The following DMAC1 variants were observed in gnomAD, a reference collection of about 807,000 sequenced individuals.
DMAC1 encodes the protein distal membrane arm assembly component 1, also known as distal membrane-arm assembly complex protein 1.
In DMAC1, 10 loss-of-function variants were observed where a neutral mutation model predicts 7.0. That is an observed-to-expected ratio of 1.43 (90% CI 0.88 to 2.43). The LOEUF is 2.43. Ranked by LOEUF, DMAC1 falls within the 30% of genes most tolerant of loss-of-function variation. DMAC1 has a pLI of 0.00. For synonymous variants in DMAC1, 92 were observed against 66.2 expected (o/e 1.39, Z -1.90); for missense variants, 219 against 158.7 (o/e 1.38, Z -2.04).
chr9:7,799,061 C>T (rs1161135442), intron 1 of DMAC1, among the ~76,000 whole-genome samples: 2 of 151,998 alleles, frequency 1.3e-5, no homozygotes, highest in Admixed American at 6.6e-5. Flanking sequence ...CAAGGGCCCT[C>T]GCTCAGGCTT....
At chr9:7,798,723 C>CCAGAAGTGTTGTGAGGGTTA in intron 1 of DMAC1, 86 bp from the exon 2 acceptor site, 1 of 1,119,518 alleles carries the variant, frequency 8.9e-7, no homozygotes, top group Non-Finnish European at 1.3e-6. Context: ...ATTTAACCCT[C>CCAGAAGTGTTGTGAGGGTTA]ACAACACTTC....
In DMAC1 at chr9:7,799,445, G is replaced by A. The variant is rs1818692180; in HGVS notation, c.274+16C>T. ...CAGATACCCAACCCGCCCAAGTGCT[G>A]TGCCTTGATTCTCACTGAGGCCGAT... On this transcript the variant is annotated intron_variant, in intron 1 of 1. Coordinates refer to ENST00000358227, the MANE Select transcript of DMAC1 (RefSeq NM_033428.3). The A allele has an allele frequency of 1.9e-6, 3 of 1,612,006 alleles. No homozygotes were observed. The highest frequency in any genetic ancestry group is 2.2e-5 in the South Asian group (2 of 90,966).
Position 7,798,592 on chromosome 9 carries a change from T to C in DMAC1, c.320A>G (p.Lys107Arg), listed in dbSNP as rs773626508. ...GIVVMADPKG[K>R]AYRVV ...GTACTTTCAAACAACGCGGTAGGCCTTCCCTTTGGGGTCTGCCATGACAAC... is the reference window on the plus strand; with the variant it reads ...GTACTTTCAAACAACGCGGTAGGCCCTCCCTTTGGGGTCTGCCATGACAAC... Residue 107 changes from lysine to arginine, a missense_variant, in exon 2 of 2, where the codon AAG becomes AGG. Physicochemically the swap from Lys to Arg is conservative, Grantham distance 26. Transcript: ENST00000358227. The C allele has an allele frequency of 1.2e-6, 2 of 1,611,448 alleles. No individual in the cohort carries two copies. Among genetic ancestry groups the C allele is most frequent in the Non-Finnish European group, 1.7e-6 (2 of 1,178,142 alleles).
intron 1 of DMAC1, 118 bp from the exon 2 acceptor site, chr9:7,798,755 A>G (rs1818673010): frequency 2.5e-6 from 2 of 786,560 alleles, no homozygotes; most frequent in Admixed American, 3.6e-5. Context: ...TTACCATTGT[A>G]TCTTTCTTAT....
chr9:7,798,775 G>GA, intron 1 of DMAC1, 138 bp from the exon 2 acceptor site: 2 of 658,120 alleles, frequency 3.0e-6, no homozygotes, highest in Non-Finnish European at 4.6e-6. Flanking sequence ...TAAGGCAAGT[G>GA]AAGCACAGAA....
rs1563830373 is a variant in DMAC1, at chr9:7,798,641, G to C, written c.275-4C>G. ...ACGATACCCCAGGTGGCAATGCCTA[G>C]AAAAAAAACAACAATACCTTACCTT... On this transcript the variant is annotated splice_polypyrimidine_tract_variant and splice_region_variant and intron_variant, in intron 1 of 1. Coordinates refer to ENST00000358227, the MANE Select transcript of DMAC1 (RefSeq NM_033428.3). 1.3e-6 allele frequency: 2 copies of C among 1,549,546 alleles called. No individual in the cohort carries two copies. The highest frequency in any genetic ancestry group is 1.9e-5 in the Admixed American group (1 of 51,680).
Position 7,799,455 on chromosome 9 carries a change from TCTCA to T in DMAC1, c.274+2_274+5del, listed in dbSNP as rs1164669798. 6.2e-7 allele frequency: 1 copy of T among 1,612,362 alleles called. No individual in the cohort carries two copies. The highest frequency in any genetic ancestry group is 8.5e-7 in the Non-Finnish European group (1 of 1,179,988). On this transcript the variant is annotated splice_donor_variant and splice_donor_5th_base_variant and intron_variant, in intron 1 of 1. Coordinates refer to ENST00000358227, the MANE Select transcript of DMAC1 (RefSeq NM_033428.3). LOFTEE classifies it high-confidence loss of function. ...ACCCGCCCAAGTGCTGTGCCTTGAT[TCTCA>T]CTGAGGCCGATGACCATCTGCGTAA...
chr9:7,798,932 G>C (rs1818677874), intron 1 of DMAC1, among the ~76,000 whole-genome samples: 1 of 152,150 alleles, frequency 6.6e-6, no homozygotes, highest in Non-Finnish European at 1.5e-5. Context: ...TTGATTGGAT[G>C]ACATCTTGAC....
rs1217990356 is a variant in DMAC1, at chr9:7,799,582, G to GC, written c.152dup (p.Val52ArgfsTer108). 1 of 1,613,542 alleles carries GC rather than the reference G, an allele frequency of 6.2e-7. No individual in the cohort carries two copies. The highest frequency in any genetic ancestry group is 8.5e-7 in the Non-Finnish European group (1 of 1,179,974). ...CCATCAGCCCCAACCCAGAAAGCACGCGACAGCTCCAGCAGGTCTTCAACA... is the reference window on the plus strand; with the variant it reads ...CCATCAGCCCCAACCCAGAAAGCACGCCGACAGCTCCAGCAGGTCTTCAACA... On this transcript the variant is annotated frameshift_variant, in exon 1 of 2. Transcript: ENST00000358227. LOFTEE classifies it high-confidence loss of function.
chr9:7,799,395 T>A, intron 1 of DMAC1, 66 bp downstream of exon 1: 1 of 1,575,824 alleles, frequency 6.3e-7, no homozygotes, highest in South Asian at 1.2e-5. Context: ...CCCACGTGGC[T>A]GCTCCGTTTC....
chr9:7,797,405 A>G lies in DMAC1; in HGVS notation c.*1168T>C, dbSNP rs1337186797. 6.6e-6 allele frequency: 1 copy of G among 152,246 alleles called. No individual in the cohort carries two copies. Among genetic ancestry groups the G allele is most frequent in the Non-Finnish European group, 1.5e-5 (1 of 68,042 alleles). 9.4% of individuals were successfully genotyped at this position (152,246 alleles called of 1,614,324 possible). A position where few individuals can be genotyped will look rare whatever the true frequency, so the allele number is the denominator to read the frequency against. On this transcript the variant is annotated 3_prime_UTR_variant, in exon 2 of 2. Transcript: ENST00000358227. ...TCTAAAGTCATCTGTGAGGCTAAATAGACTTAGGCACTTCCACATAATGCT... is the reference window on the plus strand; with the variant it reads ...TCTAAAGTCATCTGTGAGGCTAAATGGACTTAGGCACTTCCACATAATGCT...
At position 7,797,173 on chromosome 9, in the gene DMAC1, G is replaced by C. The variant is rs578110161; in HGVS notation, c.*1400C>G. The C allele has an allele frequency of 6.6e-6, 1 of 152,318 alleles. No individual in the cohort carries two copies. The highest frequency in any genetic ancestry group is 6.5e-5 in the Admixed American group (1 of 15,304). The allele number at this position is 152,318 out of a possible 1,614,324, so 9.4% of individuals were successfully genotyped here. ...GTCTTTGTAGGTATTTTAGGTATAT[G>C]AATGACCATATGTATCTGCTTTGGG... On this transcript the variant is annotated 3_prime_UTR_variant, in exon 2 of 2. Coordinates refer to ENST00000358227, the MANE Select transcript of DMAC1 (RefSeq NM_033428.3).
rs1818649653 is a variant in DMAC1, at chr9:7,798,026, T to G, written c.*547A>C. The G allele has an allele frequency of 6.6e-6, 1 of 152,396 alleles. No homozygotes were observed. The highest frequency in any genetic ancestry group is 2.1e-4 in the South Asian group (1 of 4,828). 9.4% of individuals were successfully genotyped at this position (152,396 alleles called of 1,614,324 possible). ...TATCAGCAATTCATACACAGAAAAT[T>G]TCACGTACTTCTATATATTGCATGA... On this transcript the variant is annotated 3_prime_UTR_variant, in exon 2 of 2. Transcript: ENST00000358227.
intron 1 of DMAC1, among the ~76,000 whole-genome samples, chr9:7,799,039 T>C (rs1818682065): frequency 6.6e-6 from 1 of 152,018 alleles, no homozygotes; most frequent in Non-Finnish European, 1.5e-5. Context: ...GGCAAATTTC[T>C]TAAATTAAGG....
In DMAC1 at chr9:7,799,586, C is replaced by T. The variant is rs750910088; in HGVS notation, c.149G>A (p.Cys50Tyr). 1.2e-6 allele frequency: 2 copies of T among 1,613,722 alleles called. No individual in the cohort carries two copies. Among genetic ancestry groups the T allele is most frequent in the African/African-American group, 1.3e-5 (1 of 74,892 alleles). Residue 50 changes from cysteine to tyrosine, a missense_variant, in exon 1 of 2, where the codon TGT becomes TAT. Transcript: ENST00000358227. ...CAGCCCCAACCCAGAAAGCACGCGA[C>T]AGCTCCAGCAGGTCTTCAACAGGCG... is the stretch of plus-strand genomic sequence containing the variant. ...EHRLLKTCWS[C>Y]RVLSGLGLMG...
chr9:7,799,301 C>T (rs1818688100), intron 1 of DMAC1, 160 bp downstream of exon 1: 2 of 863,162 alleles, frequency 2.3e-6, no homozygotes, highest in South Asian at 1.8e-5. Context: ...AAAAGAAAGG[C>T]GTTCCAACAA....
rs1177257301 is a variant in DMAC1 at position 7,798,583 on chromosome 9, C to A, written c.329G>T (p.Arg110Leu). ...TCACTGGTGGTACTTTCAAACAACG[C>A]GGTAGGCCTTCCCTTTGGGGTCTGC... ...VMADPKGKAY[R>L]VV is the part of the protein sequence containing the mutation. Residue 110 changes from arginine to leucine, a missense_variant, in exon 2 of 2, where the codon CGC becomes CTC. Transcript: ENST00000358227. 2 of 1,612,690 alleles carry A rather than the reference C, an allele frequency of 1.2e-6. No homozygotes were observed. Among genetic ancestry groups the A allele is most frequent in the East Asian group, 4.5e-5 (2 of 44,872 alleles).
Position 7,797,699 on chromosome 9 carries a change from TC to T in DMAC1, c.*873del, listed in dbSNP as rs1818638402. 2 of 123,496 alleles carry T rather than the reference TC, an allele frequency of 1.6e-5. No homozygotes were observed. The highest frequency in any genetic ancestry group is 3.6e-5 in the Non-Finnish European group (2 of 55,948). 7.7% of individuals were successfully genotyped at this position (123,496 alleles called of 1,614,324 possible). On this transcript the variant is annotated 3_prime_UTR_variant, in exon 2 of 2. Coordinates refer to ENST00000358227, the MANE Select transcript of DMAC1 (RefSeq NM_033428.3). ...TGCTTGTGGAAAAAGAATCAAAAGA[TC>T]TTTTTTTTTTTTAGCTAAAGGTTTT... is the stretch of plus-strand genomic sequence containing the variant.
At position 7,798,282 on chromosome 9, in the gene DMAC1, A is replaced by G; in HGVS notation, c.*291T>C. ...CTATTATGTTTATATATAATGCTTA[A>G]TTAAGCAATTATATTTAAATATAAG... On this transcript the variant is annotated 3_prime_UTR_variant, in exon 2 of 2. Coordinates refer to ENST00000358227, the MANE Select transcript of DMAC1 (RefSeq NM_033428.3). The G allele has an allele frequency of 3.2e-6, 1 of 314,646 alleles. No individual in the cohort carries two copies. The allele number at this position is 314,646 out of a possible 1,614,324, so 19.5% of individuals were successfully genotyped here. A position where few individuals can be genotyped will look rare whatever the true frequency, so the allele number is the denominator to read the frequency against.
Sources: gnomAD v4.1 joint callset for allele counts (sites outside exome capture counted in the v4.1 genomes callset) on GRCh38, gnomAD v4.1.1 for gene constraint, MANE v1.5 for transcripts, NCBI Gene and HGNC (gene_info 2026-07-23, HGNC 2026-07-21) for gene names.